Variants in C4orf51 observed in about 807,000 individuals in gnomAD.
C4orf51 encodes chromosome 4 open reading frame 51.
A neutral mutation model predicts 25.2 loss-of-function variants in C4orf51; 25 were observed. That is an observed-to-expected ratio of 0.99 (90% CI 0.72 to 1.39). C4orf51 has a LOEUF of 1.39. Ranked by LOEUF, C4orf51 falls within the 40% of genes most tolerant of loss-of-function variation. C4orf51 has a pLI of 0.00. For missense variants in C4orf51, 252 were observed against 239.6 expected (o/e 1.05, Z -0.34); for synonymous variants, 100 against 84.5 (o/e 1.18, Z -1.01).
intron 1 of C4orf51, among the ~76,000 whole-genome samples, chr4:145,742,532 GTTTTTTTT>G (rs141147414): frequency 9.5e-6 from 1 of 104,988 alleles, no homozygotes; most frequent in Non-Finnish European, 1.9e-5. Flanking sequence ...TCTTTTTCTT[GTTTTTTTT>G]TTTTTTTTTT....
downstream of C4orf51, chr4:145,774,789 G>C (rs928684908): frequency 7.7e-6 from 9 of 1,165,504 alleles, no homozygotes; most frequent in African/African-American, 1.4e-4. Flanking sequence ...AAACACATTT[G>C]TCTCTCCACC....
chr4:145,702,708 A>G (rs1188761804), intron 2 of C4orf51, among the ~76,000 whole-genome samples: 1 of 152,178 alleles, frequency 6.6e-6, no homozygotes, highest in African/African-American at 2.4e-5. Context: ...GGCACTCTCT[A>G]ATCAGATGTC....
At chr4:145,724,761 G>A (rs1028851104) in intron 2 of C4orf51, among the ~76,000 whole-genome samples, 1 of 151,334 alleles carries the variant, frequency 6.6e-6, no homozygotes, top group African/African-American at 2.4e-5. Flanking sequence ...GCACATGCCT[G>A]TAGTCCCAGC....
chr4:145,709,966 A>G (rs1731043524), intron 2 of C4orf51, among the ~76,000 whole-genome samples: 1 of 152,168 alleles, frequency 6.6e-6, no homozygotes, highest in South Asian at 2.1e-4. Flanking sequence ...CGAATAAACC[A>G]TGCACAGAGG....
downstream of C4orf51, among the ~76,000 whole-genome samples, chr4:145,755,213 C>T (rs953761432): frequency 6.6e-6 from 1 of 152,190 alleles, no homozygotes; most frequent in African/African-American, 2.4e-5. Flanking sequence ...TTCAGCGCCT[C>T]TTTTCATAAG....
intron 2 of C4orf51, among the ~76,000 whole-genome samples, chr4:145,703,192 C>T (rs1464879223): frequency 6.6e-6 from 1 of 151,100 alleles, no homozygotes. Flanking sequence ...GACATTCCAC[C>T]ACAAAACAAG....
At chr4:145,705,934 G>A (rs1292529103) in intron 2 of C4orf51, among the ~76,000 whole-genome samples, 2 of 152,264 alleles carry the variant, frequency 1.3e-5, no homozygotes, top group Non-Finnish European at 2.9e-5. Context: ...TGGGTGCATG[G>A]GGTTGCTAGC....
chr4:145,680,474 T>A, intron 1 of C4orf51, 38 bp downstream of exon 1: 1 of 1,457,384 alleles, frequency 6.9e-7, no homozygotes, highest in Non-Finnish European at 9.6e-7. Context: ...GATATATCAC[T>A]ATAAATAGAC....
intron 1 of C4orf51, among the ~76,000 whole-genome samples, chr4:145,743,261 T>C (rs1305340195): frequency 2.6e-5 from 4 of 152,182 alleles, no homozygotes; most frequent in Non-Finnish European, 4.4e-5. Flanking sequence ...ACTATATCAT[T>C]TATAATAAAC....
intron 5 of C4orf51, 96 bp from the exon 6 acceptor site, chr4:145,732,357 A>G: frequency 1.4e-6 from 1 of 705,844 alleles, no homozygotes; most frequent in East Asian, 2.7e-5. Context: ...CTCATGAATG[A>G]TGTCTGGTTT....
chr4:145,694,678 C>G (rs1406495630), intron 1 of C4orf51, among the ~76,000 whole-genome samples: 2 of 141,216 alleles, frequency 1.4e-5, no homozygotes, highest in African/African-American at 2.7e-5. Context: ...GGCCAGCCGC[C>G]CCGTCGGGGA....
chr4:145,692,104 G>A (rs1239018590), intron 1 of C4orf51, among the ~76,000 whole-genome samples: 1 of 152,198 alleles, frequency 6.6e-6, no homozygotes, highest in African/African-American at 2.4e-5. Context: ...TGTACGTGGA[G>A]AGACACGTAC....
At chr4:145,788,820 G>A in the C4orf51 span, among the ~76,000 whole-genome samples, 144,158 of 152,290 alleles carry the variant, frequency 0.95, 68,276 homozygotes, top group East Asian at 0.97. Context: ...CCATTTATAA[G>A]TCTTTGTTAG....
intron 2 of C4orf51, among the ~76,000 whole-genome samples, chr4:145,698,476 G>A (rs1476722335): frequency 3.3e-5 from 5 of 152,232 alleles, no homozygotes; most frequent in Admixed American, 2.0e-4. Flanking sequence ...GGTTGAAAGG[G>A]ATTTTATCTA....
At chr4:145,732,100 T>C (rs1408912349) in intron 5 of C4orf51, among the ~76,000 whole-genome samples, 1 of 152,156 alleles carries the variant, frequency 6.6e-6, no homozygotes, top group Non-Finnish European at 1.5e-5. Context: ...GTGTCCTATC[T>C]TGAAGAAGTT....
Position 145,753,610 on chromosome 4 carries a change from A to G in C4orf51, n.168-597A>G, listed in dbSNP as rs143077390. 3.0e-4 allele frequency among the ~76,000 whole-genome samples: 46 copies of G among 152,340 alleles called. No individual in the cohort carries two copies. In the East Asian group the frequency reaches 5.8e-3, roughly 19 times the overall value. ...GTTATATGCACAGAGAAGATGTCAG[A>G]CAAATGTAATCTTTTTATTCCTAGT... On this transcript the variant is annotated intron_variant and non_coding_transcript_variant, in intron 1 of 1. Transcript: ENST00000508981.
chr4:145,787,631 A>G, the C4orf51 span, among the ~76,000 whole-genome samples: 2 of 152,060 alleles, frequency 1.3e-5, no homozygotes, highest in Admixed American at 6.5e-5. Flanking sequence ...TTGCATTACT[A>G]CTTTCAGGGG....
chr4:145,725,775 G>A (rs904746653), intron 2 of C4orf51, among the ~76,000 whole-genome samples: 2 of 152,064 alleles, frequency 1.3e-5, no homozygotes, highest in Non-Finnish European at 2.9e-5. Flanking sequence ...AGTGCTGGTG[G>A]TAAGAAAGGG....
intron 1 of C4orf51, among the ~76,000 whole-genome samples, chr4:145,738,585 T>A (rs560439181): frequency 3.2e-4 from 49 of 152,190 alleles, no homozygotes; most frequent in African/African-American, 1.2e-3. Flanking sequence ...GATTTGATAC[T>A]AAACCACAAG....
Sources: gnomAD v4.1 joint callset for allele counts (sites outside exome capture counted in the v4.1 genomes callset) on GRCh38, gnomAD v4.1.1 for gene constraint, MANE v1.5 for transcripts, NCBI Gene and HGNC (gene_info 2026-07-23, HGNC 2026-07-21) for gene names.